Variants in MCPH1 observed in about 807,000 individuals in gnomAD.
MCPH1 encodes microcephalin 1, also known as microcephalin.
Under a neutral mutation model 84.5 loss-of-function variants are expected in MCPH1, and 104 were observed. The ratio of observed to expected loss-of-function variants is 1.23; its 90% confidence interval spans 1.05 to 1.45. The LOEUF is 1.45. Ranked by LOEUF, MCPH1 falls within the 40% of genes most tolerant of loss-of-function variation. MCPH1 has a pLI of 0.00. For synonymous variants in MCPH1, 514 were observed against 366.8 expected (o/e 1.40, Z -4.58); for missense variants, 1,498 against 1,005.7 (o/e 1.49, Z -6.62).
At chr8:6,576,048 T>TA (rs1233889020) in intron 12 of MCPH1, among the ~76,000 whole-genome samples, 20 of 4,536 alleles carry the variant, frequency 4.4e-3, no homozygotes, top group African/African-American at 7.9e-3. Flanking sequence ...AATACAGCCT[T>TA]AAAAAAAAAA....
chr8:6,455,224 A>T lies in MCPH1; in HGVS notation c.1907A>T (p.Glu636Val). 6.2e-7 allele frequency: 1 copy of T among 1,613,738 alleles called. No individual in the cohort carries two copies. Among genetic ancestry groups the T allele is most frequent in the Non-Finnish European group, 8.5e-7 (1 of 1,179,650 alleles). The change falls in exon 9 of 14, where the codon GAA becomes GTA. Residue 636 changes from glutamate to valine, a missense_variant. By Grantham distance (121) the Glu-to-Val change is moderately radical (BLOSUM62 -2). Transcript: ENST00000344683. Reference sequence around the variant, plus strand: ...AAGGACCTCATCAAACCTCATGAGGAATTGAAGAAAAGTGGGAGAGGCAAA... The same window carrying T: ...AAGGACCTCATCAAACCTCATGAGGTATTGAAGAAAAGTGGGAGAGGCAAA... Reference protein sequence around the residue: ...GFKDLIKPHEELKKSGRGKKP... With the variant: ...GFKDLIKPHEVLKKSGRGKKP...
intron 12 of MCPH1, chr8:6,502,204 TA>T (rs1812323079): frequency 6.6e-6 from 1 of 152,138 alleles, no homozygotes; most frequent in Admixed American, 6.5e-5. Flanking sequence ...TCATTAAAAG[TA>T]AGAAGTTTCC....
chr8:6,509,872 C>A (rs934683832), intron 12 of MCPH1, among the ~76,000 whole-genome samples: 2 of 152,218 alleles, frequency 1.3e-5, no homozygotes, highest in African/African-American at 4.8e-5. Context: ...CTGTTGTTCA[C>A]CCTGGGGATC....
At chr8:6,558,584 T>G (rs1168241736) in intron 12 of MCPH1, among the ~76,000 whole-genome samples, 1 of 152,172 alleles carries the variant, frequency 6.6e-6, no homozygotes, top group African/African-American at 2.4e-5. Context: ...GTTTGACAAC[T>G]GTAAAGAGCC....
intron 6 of MCPH1, among the ~76,000 whole-genome samples, chr8:6,440,139 A>G (rs937763156): frequency 6.6e-6 from 1 of 152,214 alleles, no homozygotes; most frequent in Non-Finnish European, 1.5e-5. Flanking sequence ...AGTAGTCTAC[A>G]GTTTTGATAT....
At chr8:6,436,270 A>G (rs1802625530) in intron 5 of MCPH1, 108 bp downstream of exon 5, 2 of 1,208,456 alleles carry the variant, frequency 1.7e-6, no homozygotes, top group African/African-American at 1.5e-5. Context: ...GAAGACTATG[A>G]TAGCTTTACT....
intron 12 of MCPH1, among the ~76,000 whole-genome samples, chr8:6,542,329 T>C (rs1224662894): frequency 6.6e-6 from 1 of 151,988 alleles, no homozygotes; most frequent in Non-Finnish European, 1.5e-5. Flanking sequence ...TGTGTGTGTA[T>C]GTATGTGTGT....
intron 12 of MCPH1, chr8:6,562,665 G>A (rs1362169846): frequency 1.3e-6 from 2 of 1,557,692 alleles, no homozygotes; most frequent in Non-Finnish European, 1.8e-6. Flanking sequence ...GCCACTGAGT[G>A]TTGTTTTCCA....
chr8:6,424,965 T>G (rs1039117161), intron 3 of MCPH1, among the ~76,000 whole-genome samples: 13 of 152,252 alleles, frequency 8.5e-5, no homozygotes, highest in African/African-American at 3.1e-4. Context: ...GTACTTTTCC[T>G]GAATTGACTT....
chr8:6,625,982 G>A, intron 13 of MCPH1: 1 of 985,198 alleles, frequency 1.0e-6, no homozygotes, highest in Non-Finnish European at 1.2e-6. Context: ...GGAGGGAAAG[G>A]AAGGTGGGTA....
chr8:6,490,468 A>T (rs371524389), intron 11 of MCPH1, among the ~76,000 whole-genome samples: 2 of 152,218 alleles, frequency 1.3e-5, no homozygotes, highest in African/African-American at 4.8e-5. Flanking sequence ...TCCAAGGAAC[A>T]TCATACTTCT....
At chr8:6,537,450 T>C (rs1005007862) in intron 12 of MCPH1, among the ~76,000 whole-genome samples, 1 of 152,120 alleles carries the variant, frequency 6.6e-6, no homozygotes, top group Non-Finnish European at 1.5e-5. Context: ...CTTAGTGTTA[T>C]TTGATTTGCT....
At position 6,499,902 on chromosome 8, in the gene MCPH1, A is replaced by G; in HGVS notation, c.2187A>G (p.Glu729=). The change falls in exon 12 of 14, where the codon GAA becomes GAG. Residue 729 remains glutamate (E), a synonymous_variant. Coordinates refer to ENST00000344683, the MANE Select transcript of MCPH1 (RefSeq NM_024596.5). ...ACTGGATTTCTGAGGAGCCGTTCGA[A>G]CTGTCTCACCACTTCCCTGCAGCTC... is the stretch of plus-strand genomic sequence containing the variant. ...LGHWISEEPF[E]LSHHFPAAPL... 1 of 1,613,714 alleles carries G rather than the reference A, an allele frequency of 6.2e-7. No homozygotes were observed. The highest frequency in any genetic ancestry group is 8.5e-7 in the Non-Finnish European group (1 of 1,179,996).
intron 9 of MCPH1, among the ~76,000 whole-genome samples, chr8:6,458,435 G>A (rs1397307486): frequency 2.0e-5 from 3 of 146,848 alleles, no homozygotes; most frequent in Non-Finnish European, 3.0e-5. Flanking sequence ...TCGTGCCACT[G>A]CATTCCAGCC....
At chr8:6,447,440 C>T (rs1277455260) in intron 8 of MCPH1, 2 of 984,724 alleles carry the variant, frequency 2.0e-6, no homozygotes, top group African/African-American at 1.7e-5. Flanking sequence ...TTGCTGTTGT[C>T]AGTATCTAAG....
At chr8:6,489,452 AAG>A in intron 11 of MCPH1, among the ~76,000 whole-genome samples, 1 of 152,242 alleles carries the variant, frequency 6.6e-6, no homozygotes, top group South Asian at 2.1e-4. Flanking sequence ...GAAGGTGAAT[AAG>A]AGGAGACAGA....
chr8:6,562,989 C>T (rs1825791137), intron 12 of MCPH1: 18 of 1,531,416 alleles, frequency 1.2e-5, no homozygotes, highest in Admixed American at 1.8e-5. Flanking sequence ...AACACACGTC[C>T]AGAGTCCCGA....
At chr8:6,520,386 A>G (rs1817083007) in intron 12 of MCPH1, among the ~76,000 whole-genome samples, 3 of 152,328 alleles carry the variant, frequency 2.0e-5, no homozygotes, top group South Asian at 4.1e-4. Context: ...AAACACTGTT[A>G]TCTGTATCAT....
intron 12 of MCPH1, among the ~76,000 whole-genome samples, chr8:6,568,609 G>A (rs553705748): frequency 6.6e-6 from 1 of 152,296 alleles, no homozygotes; most frequent in African/African-American, 2.4e-5. Context: ...TGCATTGCCA[G>A]CGTGCAATTT....
Sources: gnomAD v4.1 joint callset for allele counts (sites outside exome capture counted in the v4.1 genomes callset) on GRCh38, gnomAD v4.1.1 for gene constraint, MANE v1.5 for transcripts, NCBI Gene and HGNC (gene_info 2026-07-23, HGNC 2026-07-21) for gene names.